GALNTL6: variants seen among roughly 807,000 people sequenced by gnomAD.
GALNTL6 encodes the protein polypeptide N-acetylgalactosaminyltransferase-like 6.
GALNTL6 carries 46 observed loss-of-function variants against 73.7 expected under a neutral mutation model. The observed-to-expected ratio is 0.62, with a 90% CI of 0.49 to 0.80. The LOEUF (loss-of-function observed/expected upper bound fraction) is 0.80. Ranked by LOEUF, GALNTL6 falls within the 30% of genes least tolerant of loss-of-function variation. The pLI, the probability that GALNTL6 is intolerant of heterozygous loss-of-function variation, is 0.00. For synonymous variants in GALNTL6, 259 were observed against 263.7 expected, an observed-to-expected ratio of 0.98 and a Z score of 0.17; for missense variants, 604 against 755.0, an observed-to-expected ratio of 0.80 and a Z score of 2.34.
chr4:173,009,060 A>G (rs1752423854), intron 10 of GALNTL6, 118 bp from the exon 11 acceptor site: 11 of 701,638 alleles, frequency 1.6e-5, no homozygotes, highest in Middle Eastern at 2.5e-4. Flanking sequence ...GGTCTCATTC[A>G]ATATGCATGT....
intron 5 of GALNTL6, among the ~76,000 whole-genome samples, chr4:172,664,472 A>G (rs981392000): frequency 1.3e-5 from 2 of 152,132 alleles, no homozygotes; most frequent in Admixed American, 6.5e-5. Context: ...ATAACACCCA[A>G]ATCTCTTGTC....
In GALNTL6 at chr4:172,931,271, G is replaced by GAGT. The variant is rs1220711514; in HGVS notation, c.1149+5_1149+7dup. The GAGT allele has an allele frequency of 1.3e-6, 2 of 1,524,576 alleles. No homozygotes were observed. The highest frequency in any genetic ancestry group is 1.8e-6 in the Non-Finnish European group (2 of 1,098,380). 94.4% of individuals were successfully genotyped at this position (1,524,576 alleles called of 1,614,324 possible). A position where few individuals can be genotyped will look rare whatever the true frequency, so the allele number is the denominator to read the frequency against. ...CATCTGGGACAAGCCTGGCAAGAGT[G>GAGT]AGTAACTCAGCATCAGAACAGACTG... On this transcript the variant is annotated splice_donor_region_variant and intron_variant, in intron 9 of 12. Coordinates refer to ENST00000506823, the MANE Select transcript of GALNTL6 (RefSeq NM_001034845.3).
At chr4:171,844,126 A>G (rs923517643) in intron 2 of GALNTL6, among the ~76,000 whole-genome samples, 1 of 152,164 alleles carries the variant, frequency 6.6e-6, no homozygotes, top group Non-Finnish European at 1.5e-5. Flanking sequence ...TTGTTCATTA[A>G]TATTTCTTAA....
intron 4 of GALNTL6, among the ~76,000 whole-genome samples, chr4:172,313,101 A>G (rs1740417951): frequency 1.3e-5 from 2 of 148,172 alleles, no homozygotes; most frequent in Admixed American, 6.8e-5. Flanking sequence ...AGTAATTTTT[A>G]TCTATCCAGT....
chr4:172,227,618 C>T (rs1736913231), intron 2 of GALNTL6, among the ~76,000 whole-genome samples: 1 of 152,104 alleles, frequency 6.6e-6, no homozygotes, highest in Admixed American at 6.5e-5. Context: ...AATTCCGTGC[C>T]ATAAAAAAAT....
At chr4:171,816,505 G>T (rs889205468) in intron 2 of GALNTL6, among the ~76,000 whole-genome samples, 2 of 151,974 alleles carry the variant, frequency 1.3e-5, no homozygotes, top group African/African-American at 4.8e-5. Flanking sequence ...GGTGGCAAGA[G>T]AATTTTCGTA....
chr4:172,080,366 T>G (rs1731843345), intron 2 of GALNTL6, among the ~76,000 whole-genome samples: 1 of 152,018 alleles, frequency 6.6e-6, no homozygotes. Flanking sequence ...ATTTTTTTGT[T>G]GAGACGAGGT....
chr4:172,192,900 A>T (rs1016300684), intron 2 of GALNTL6, among the ~76,000 whole-genome samples: 5 of 152,140 alleles, frequency 3.3e-5, no homozygotes, highest in Non-Finnish European at 2.9e-5. Context: ...GCTGTGGCAG[A>T]TAGTGGCCAG....
At chr4:172,711,551 A>T (rs772577466) in intron 5 of GALNTL6, among the ~76,000 whole-genome samples, 5 of 152,160 alleles carry the variant, frequency 3.3e-5, no homozygotes, top group Non-Finnish European at 5.9e-5. Context: ...CCGGGTGAAC[A>T]AGGTAGGGTT....
In GALNTL6 at chr4:172,702,225, C is replaced by G. The variant is rs369344699; in HGVS notation, c.554-107136C>G. ...CTCAAATTTAGCAAATACATACACA[C>G]GAAGAGACACAAAATCTATTGGAAC... On this transcript the variant is annotated intron_variant, in intron 5 of 12. Coordinates refer to ENST00000506823, the MANE Select transcript of GALNTL6 (RefSeq NM_001034845.3). Among the ~76,000 whole-genome samples the G allele has an allele frequency of 3.9e-5, 6 of 152,028 alleles. No homozygotes were observed. The South Asian group carries it at 1.0e-3, about 26-fold the overall frequency.
intron 10 of GALNTL6, among the ~76,000 whole-genome samples, chr4:172,983,349 T>A (rs1350463882): frequency 6.6e-6 from 1 of 152,176 alleles, no homozygotes; most frequent in Non-Finnish European, 1.5e-5. Flanking sequence ...AAGTTTGTGA[T>A]CATTTGTTCC....
chr4:172,606,599 T>TAC (rs1738286062), intron 5 of GALNTL6, among the ~76,000 whole-genome samples: 1 of 113,656 alleles, frequency 8.8e-6, no homozygotes, highest in African/African-American at 3.0e-5. Flanking sequence ...TATACACATA[T>TAC]ATACATATAT....
chr4:172,632,345 T>G (rs974092965), intron 5 of GALNTL6, among the ~76,000 whole-genome samples: 1 of 152,190 alleles, frequency 6.6e-6, no homozygotes, highest in African/African-American at 2.4e-5. Flanking sequence ...AGAGACTTTT[T>G]GAATGGCTTT....
At chr4:172,745,970 C>G (rs1737087331) in intron 5 of GALNTL6, among the ~76,000 whole-genome samples, 1 of 152,050 alleles carries the variant, frequency 6.6e-6, no homozygotes, top group Non-Finnish European at 1.5e-5. Flanking sequence ...AATGTTATTA[C>G]TGCTGCTTAC....
At chr4:172,010,358 A>C (rs953061310) in intron 2 of GALNTL6, among the ~76,000 whole-genome samples, 4 of 152,084 alleles carry the variant, frequency 2.6e-5, no homozygotes, top group African/African-American at 9.7e-5. Context: ...AGTTATAGAC[A>C]AGCTACCTTA....
intron 2 of GALNTL6, among the ~76,000 whole-genome samples, chr4:171,847,197 T>C (rs948030443): frequency 5.9e-4 from 89 of 152,106 alleles, no homozygotes; most frequent in Middle Eastern, 3.4e-3. Context: ...TACAATAAAG[T>C]GAATATCACA....
chr4:172,769,034 G>A (rs1738604501), intron 5 of GALNTL6, among the ~76,000 whole-genome samples: 1 of 151,998 alleles, frequency 6.6e-6, no homozygotes, highest in Non-Finnish European at 1.5e-5. Context: ...AAGGCACAGT[G>A]TAGAATATAT....
At chr4:172,553,178 A>G (rs922509547) in intron 5 of GALNTL6, among the ~76,000 whole-genome samples, 1 of 152,202 alleles carries the variant, frequency 6.6e-6, no homozygotes, top group African/African-American at 2.4e-5. Flanking sequence ...GAAGTTGAAT[A>G]TGATTCAAAC....
chr4:172,282,667 A>C (rs1330355157), intron 3 of GALNTL6, among the ~76,000 whole-genome samples: 1 of 35,838 alleles, frequency 2.8e-5, no homozygotes, highest in Non-Finnish European at 5.0e-5. Flanking sequence ...GAAATGGGGC[A>C]AAAAAAAAAA....
Sources: allele counts gnomAD v4.1 joint callset (sites outside exome capture counted in the v4.1 genomes callset), GRCh38; gene constraint gnomAD v4.1.1; transcripts MANE v1.5; gene names NCBI Gene and HGNC (gene_info 2026-07-23, HGNC 2026-07-21).